TYW1B: variants seen among roughly 807,000 people sequenced by gnomAD.
TYW1B encodes the protein S-adenosyl-L-methionine-dependent tRNA 4-demethylwyosine synthase TYW1B.
In TYW1B, 73 loss-of-function variants were observed where a neutral mutation model predicts 86.9. That is an observed-to-expected ratio of 0.84 (90% CI 0.70 to 1.02). The LOEUF (loss-of-function observed/expected upper bound fraction) is 1.02, where lower values mean the gene tolerates loss of function less well. TYW1B is among the 50% of genes least tolerant of loss of function. TYW1B has a pLI of 0.00. For synonymous variants in TYW1B, 248 were observed against 292.8 expected, an observed-to-expected ratio of 0.85 and a Z score of 1.56; for missense variants, 637 against 827.4, an observed-to-expected ratio of 0.77 and a Z score of 2.82.
rs1377621705 is a variant in TYW1B, at chr7:72,771,967, C to G, written c.964+5449G>C. On this transcript the variant is annotated intron_variant, in intron 7 of 13. Transcript: ENST00000620995. ...GTTTAAACGATTCTCATGCCTCAGA[C>G]TCCCACGTAATTGGGACTACAGTTG... Among the ~76,000 whole-genome samples, 9 of 151,642 alleles carry G rather than the reference C, an allele frequency of 5.9e-5. No individual in the cohort carries two copies. In the Admixed American group the frequency reaches 5.9e-4, roughly 10 times the overall value.
intron 12 of TYW1B, among the ~76,000 whole-genome samples, chr7:72,626,816 C>T (rs1227309860): frequency 6.6e-6 from 1 of 151,970 alleles, no homozygotes; most frequent in Non-Finnish European, 1.5e-5. Context: ...GACTGTTGTG[C>T]CTACTCTACT....
In TYW1B at chr7:72,828,079, C is replaced by T. The variant is rs1161821342; in HGVS notation, c.-4G>A. The T allele has an allele frequency of 3.1e-6, 5 of 1,613,916 alleles. No individual in the cohort carries two copies. Among genetic ancestry groups the T allele is most frequent in the Admixed American group, 1.7e-5 (1 of 59,972 alleles). On this transcript the variant is annotated 5_prime_UTR_variant, in exon 1 of 14. Transcript: ENST00000620995. ...CCCGCCGAGTGCCCTTACCCATCCTCCTCAGAGCCGACAGGAGACTAGGAT... is the reference window on the plus strand; with the variant it reads ...CCCGCCGAGTGCCCTTACCCATCCTTCTCAGAGCCGACAGGAGACTAGGAT...
intron 7 of TYW1B, chr7:72,768,834 C>G: frequency 3.9e-6 from 1 of 258,526 alleles, no homozygotes; most frequent in Non-Finnish European, 7.8e-6. Flanking sequence ...GGATCCTGTG[C>G]CCTATATGAC....
chr7:72,585,053 C>T (rs1811243703), intron 13 of TYW1B, among the ~76,000 whole-genome samples: 1 of 152,216 alleles, frequency 6.6e-6, no homozygotes, highest in African/African-American at 2.4e-5. Context: ...TAGTTCCTAA[C>T]AGTTACAGGC....
chr7:72,683,013 T>C (rs1444743216), intron 11 of TYW1B, among the ~76,000 whole-genome samples: 2 of 152,210 alleles, frequency 1.3e-5, no homozygotes, highest in Non-Finnish European at 2.9e-5. Context: ...CAGGAACCAT[T>C]TGACATGTGT....
At position 72,614,358 on chromosome 7, in the gene TYW1B, C is replaced by T. The variant is rs534638852; in HGVS notation, c.1785+2314G>A. Among the ~76,000 whole-genome samples, 12 of 152,256 alleles carry T rather than the reference C, an allele frequency of 7.9e-5. No homozygotes were observed. The South Asian group carries it at 2.5e-3, about 32-fold the overall frequency. ...TCCATAAGACAGAGGTCAGACTGGG[C>T]ATGGTGGCCCATGCCTGTAATCCCA... On this transcript the variant is annotated intron_variant, in intron 13 of 13. Coordinates refer to ENST00000620995, the MANE Select transcript of TYW1B (RefSeq NM_001145440.3).
At chr7:72,588,963 C>T (rs1191866292) in intron 13 of TYW1B, among the ~76,000 whole-genome samples, 2 of 152,076 alleles carry the variant, frequency 1.3e-5, no homozygotes, top group Non-Finnish European at 2.9e-5. Context: ...CAGGCAAGTG[C>T]CACCATGCCC....
At chr7:72,739,287 C>A (rs1223091679) in intron 8 of TYW1B, among the ~76,000 whole-genome samples, 2 of 151,976 alleles carry the variant, frequency 1.3e-5, no homozygotes, top group African/African-American at 2.4e-5. Flanking sequence ...GTTAAAAAAA[C>A]TCTATAATAA....
chr7:72,788,255 A>G (rs1554472875), intron 6 of TYW1B, among the ~76,000 whole-genome samples: 1 of 152,124 alleles, frequency 6.6e-6, no homozygotes, highest in Non-Finnish European at 1.5e-5. Flanking sequence ...TTGGGATTAC[A>G]GGAGTGAGCC....
At chr7:72,725,456 G>T (rs1786981658) in intron 9 of TYW1B, among the ~76,000 whole-genome samples, 1 of 152,094 alleles carries the variant, frequency 6.6e-6, no homozygotes, top group South Asian at 2.1e-4. Flanking sequence ...AAAAATAAAA[G>T]TACTGGCATT....
chr7:72,725,472 C>T (rs1233535410), intron 9 of TYW1B, among the ~76,000 whole-genome samples: 1 of 152,166 alleles, frequency 6.6e-6, no homozygotes, highest in Non-Finnish European at 1.5e-5. Flanking sequence ...GCATTTCCTG[C>T]TTCTGATATT....
At chr7:72,827,348 C>T (rs1216442010) in intron 1 of TYW1B, among the ~76,000 whole-genome samples, 1 of 152,142 alleles carries the variant, frequency 6.6e-6, no homozygotes, top group Non-Finnish European at 1.5e-5. Flanking sequence ...GCAGAGGTTG[C>T]AGTGAGCCAA....
chr7:72,758,451 CATTTTTTTCTCTTAGAAAAAA>C (rs1475684398), intron 7 of TYW1B, among the ~76,000 whole-genome samples: 2 of 149,832 alleles, frequency 1.3e-5, no homozygotes, highest in Non-Finnish European at 3.0e-5. Context: ...TTAGAAAAAA[CATTTTTTTCTCTTAGAAAAAA>C]ATTTTTCTCT....
At chr7:72,586,192 G>A (rs1260847955) in intron 13 of TYW1B, among the ~76,000 whole-genome samples, 1 of 152,194 alleles carries the variant, frequency 6.6e-6, no homozygotes, top group Non-Finnish European at 1.5e-5. Flanking sequence ...GCTTCCAGTT[G>A]TCCTATCGCA....
At chr7:72,718,846 CT>C (rs2129570815) in intron 9 of TYW1B, among the ~76,000 whole-genome samples, 1 of 152,266 alleles carries the variant, frequency 6.6e-6, no homozygotes, top group South Asian at 2.1e-4. Flanking sequence ...CAACCTAAAA[CT>C]CAGAAAGTGG....
intron 2 of TYW1B, chr7:72,822,800 G>C (rs1191660364): frequency 6.6e-6 from 1 of 152,224 alleles, no homozygotes; most frequent in Non-Finnish European, 1.5e-5. Flanking sequence ...AGACCAGCCT[G>C]GGCAACATAA....
Position 72,802,241 on chromosome 7 carries a change from C to T in TYW1B, c.846+159G>A, listed in dbSNP as rs550026458. ...GGCCTGAGAGGGGAGATGCTCACCA[C>T]GCTCATGAAAAATGGCAAAAAAATT... On this transcript the variant is annotated intron_variant, in intron 6 of 13. Coordinates refer to ENST00000620995, the MANE Select transcript of TYW1B (RefSeq NM_001145440.3). 7.2e-5 allele frequency among the ~76,000 whole-genome samples: 11 copies of T among 152,130 alleles called. No homozygotes were observed. The South Asian group carries it at 1.9e-3, about 26-fold the overall frequency.
chr7:72,652,318 C>T (rs1289861732), intron 11 of TYW1B, among the ~76,000 whole-genome samples: 1 of 128,020 alleles, frequency 7.8e-6, no homozygotes, highest in Non-Finnish European at 1.6e-5. Flanking sequence ...GCACAGCTTG[C>T]AGTGAGCCGA....
intron 7 of TYW1B, among the ~76,000 whole-genome samples, chr7:72,755,440 C>T (rs1287801295): frequency 6.6e-6 from 1 of 152,070 alleles, no homozygotes; most frequent in African/African-American, 2.4e-5. Context: ...CTTTGGGAGG[C>T]AAAGGTGGGC....
Sources: allele counts gnomAD v4.1 joint callset (sites outside exome capture counted in the v4.1 genomes callset), GRCh38; gene constraint gnomAD v4.1.1; transcripts MANE v1.5; gene names NCBI Gene and HGNC (gene_info 2026-07-23, HGNC 2026-07-21).